Variants in OGDH observed in about 807,000 individuals in gnomAD.
OGDH encodes the protein oxoglutarate dehydrogenase.
OGDH carries 38 observed loss-of-function variants against 116.6 expected under a neutral mutation model. The observed-to-expected ratio is 0.33, with a 90% confidence interval of 0.25 to 0.43. The LOEUF is 0.43. Ranked by LOEUF, OGDH falls within the 20% of genes least tolerant of loss-of-function variation. The pLI, the probability that OGDH is intolerant of heterozygous loss-of-function variation, is 1.00. For missense variants in OGDH, 825 were observed against 1,357.2 expected, an observed-to-expected ratio of 0.61 and a Z score of 6.16; for synonymous variants, 488 against 533.3, an observed-to-expected ratio of 0.92 and a Z score of 1.17.
chr7:44,624,634 T>G (rs1785133715), intron 2 of OGDH, 69 bp downstream of exon 2: 1 of 1,368,642 alleles, frequency 7.3e-7, no homozygotes, highest in African/African-American at 1.4e-5. Context: ...GGTCACCAGG[T>G]AAGTGTGTGC....
chr7:44,651,784 C>T (rs1160210129), intron 4 of OGDH, among the ~76,000 whole-genome samples: 3 of 151,990 alleles, frequency 2.0e-5, no homozygotes, highest in South Asian at 4.1e-4. Flanking sequence ...TGATCTCGTA[C>T]GCCTGACCTC....
intron 2 of OGDH, among the ~76,000 whole-genome samples, chr7:44,639,448 ATC>A (rs1394270810): frequency 6.6e-6 from 1 of 152,166 alleles, no homozygotes; most frequent in Admixed American, 6.5e-5. Context: ...CTGCTGCCAC[ATC>A]TGTTGGGAGG....
intron 2 of OGDH, among the ~76,000 whole-genome samples, chr7:44,636,177 A>G (rs1487953398): frequency 1.3e-5 from 2 of 152,258 alleles, no homozygotes; most frequent in Non-Finnish European, 2.9e-5. Flanking sequence ...GGCCACAGTC[A>G]GTCCTACTGG....
intron 9 of OGDH, among the ~76,000 whole-genome samples, chr7:44,677,155 GA>G (rs554857785): frequency 6.6e-6 from 1 of 151,722 alleles, no homozygotes; most frequent in Non-Finnish European, 1.5e-5. Context: ...CAAATAATCA[GA>G]AAAAAAATCA....
intron 2 of OGDH, among the ~76,000 whole-genome samples, chr7:44,640,057 G>C (rs1785860286): frequency 6.6e-6 from 1 of 152,214 alleles, no homozygotes; most frequent in Admixed American, 6.5e-5. Flanking sequence ...CCAGGGCCTA[G>C]GCTGGAAGGA....
In OGDH at chr7:44,697,431, C is replaced by T; in HGVS notation, c.2113C>T (p.His705Tyr). The T allele has an allele frequency of 6.2e-7, 1 of 1,614,228 alleles. No homozygotes were observed. The highest frequency in any genetic ancestry group is 8.5e-7 in the Non-Finnish European group (1 of 1,180,036). Residue 705 changes from histidine to tyrosine, a missense_variant, in exon 16 of 23, where the codon CAT (histidine) becomes TAT (tyrosine). His to Tyr is a moderately conservative substitution (Grantham distance 83). This residue lies in a region of OGDH where 73 missense variants were observed against 182.3 expected (regional missense o/e 0.40). Transcript: ENST00000222673. This position sits in a 1 kb window ranked among gnomAD's most constrained non-coding sequence, Gnocchi z 6.0. ...CAAGAGAACCTGCATCCCCATGAAC[C>T]ATCTCTGGCCCAATCAGGCCCCCTA... ...VDKRTCIPMNHLWPNQAPYTV... is the reference protein window; with the variant it reads ...VDKRTCIPMNYLWPNQAPYTV...
At chr7:44,616,792 TATGTGTATATATATGC>T (rs1784801250) in intron 1 of OGDH, among the ~76,000 whole-genome samples, 3 of 115,246 alleles carry the variant, frequency 2.6e-5, no homozygotes, top group East Asian at 3.4e-4. Flanking sequence ...TGCATATATA[TATGTGTATATATATGC>T]ATATATACGT....
chr7:44,615,091 A>G (rs1416494542), intron 1 of OGDH, among the ~76,000 whole-genome samples: 1 of 152,130 alleles, frequency 6.6e-6, no homozygotes, highest in African/African-American at 2.4e-5. Context: ...TCAGCCTCCC[A>G]AAGTGCTGGG....
intron 4 of OGDH, among the ~76,000 whole-genome samples, chr7:44,657,462 T>C (rs908064975): frequency 1.3e-5 from 2 of 152,238 alleles, no homozygotes; most frequent in Non-Finnish European, 2.9e-5. Context: ...TAGTATTCCA[T>C]GGTGTGGATG....
chr7:44,704,645 GGTT>G (rs1788982747), intron 20 of OGDH, among the ~76,000 whole-genome samples: 1 of 151,872 alleles, frequency 6.6e-6, no homozygotes, highest in Non-Finnish European at 1.5e-5. Context: ...CCGTTCTATG[GGTT>G]GTTCTTTTAT....
At chr7:44,629,579 TC>T (rs572070788) in intron 2 of OGDH, among the ~76,000 whole-genome samples, 8,839 of 69,194 alleles carry the variant, frequency 0.13, 401 homozygotes, top group Non-Finnish European at 0.2. Flanking sequence ...CTTTTTCTTT[TC>T]TTTTTTTTTT....
intron 9 of OGDH, 138 bp from the exon 10 acceptor site, chr7:44,681,582 A>T (rs1184578412): frequency 8.4e-7 from 1 of 1,187,420 alleles, no homozygotes; most frequent in Non-Finnish European, 1.2e-6. Flanking sequence ...GGCCCTGTGG[A>T]CTTTCCTGCT....
intron 2 of OGDH, among the ~76,000 whole-genome samples, chr7:44,637,202 TGTC>T (rs1286749400): frequency 6.6e-6 from 1 of 152,160 alleles, no homozygotes; most frequent in Non-Finnish European, 1.5e-5. Flanking sequence ...GTGCTCCTGT[TGTC>T]TATTCTCTTT....
intron 7 of OGDH, 77 bp from the exon 8 acceptor site, chr7:44,675,101 G>A: frequency 8.8e-7 from 1 of 1,130,890 alleles, no homozygotes; most frequent in Non-Finnish European, 1.3e-6. Flanking sequence ...GGGGAGGGGG[G>A]GATTGTAACA....
intron 4 of OGDH, among the ~76,000 whole-genome samples, chr7:44,662,975 T>C (rs561115118): frequency 3.4e-4 from 52 of 152,356 alleles, no homozygotes; most frequent in African/African-American, 1.2e-3. Flanking sequence ...TTGGGTTTGG[T>C]CTTTTACCAT....
intron 4 of OGDH, among the ~76,000 whole-genome samples, chr7:44,653,365 T>A (rs1219847499): frequency 6.6e-6 from 1 of 152,130 alleles, no homozygotes; most frequent in Non-Finnish European, 1.5e-5. Context: ...AGTGTTGGGA[T>A]TACAGAGGTG....
intron 10 of OGDH, among the ~76,000 whole-genome samples, chr7:44,688,683 GCCT>G (rs1788239104): frequency 6.6e-6 from 1 of 151,788 alleles, no homozygotes; most frequent in African/African-American, 2.4e-5. Flanking sequence ...GCCAGCCTCG[GCCT>G]CCTAGAGTGC....
At position 44,681,734 on chromosome 7, in the gene OGDH, G is replaced by A. The variant is rs774022978; in HGVS notation, c.1221G>A (p.Leu407=). 16 of 1,614,012 alleles carry A rather than the reference G, an allele frequency of 9.9e-6. No individual in the cohort carries two copies. Among genetic ancestry groups the A allele is most frequent in the Non-Finnish European group, 1.4e-5 (16 of 1,180,016 alleles). The change falls in exon 10 of 23, where the codon CTG becomes CTA. Residue 407 remains leucine (L), a synonymous_variant. Transcript: ENST00000222673. ...DTEGKKVMSI[L]LHGDAAFAGQ... is the part of the protein sequence containing the mutation. ...GGTGTTTACAGGTCATGTCCATCCT[G>A]TTGCATGGGGATGCTGCATTTGCTG...
intron 4 of OGDH, among the ~76,000 whole-genome samples, chr7:44,660,942 GCACA>G (rs370545407): frequency 6.7e-6 from 1 of 148,500 alleles, no homozygotes; most frequent in Non-Finnish European, 1.5e-5. Flanking sequence ...ACGCGCGTGT[GCACA>G]CACACACACA....
Sources: allele counts gnomAD v4.1 joint callset (sites outside exome capture counted in the v4.1 genomes callset), GRCh38; gene constraint gnomAD v4.1.1; regional missense constraint gnomAD v4.1.1; non-coding constraint Gnocchi (gnomAD v3.1); transcripts MANE v1.5; gene names NCBI Gene and HGNC (gene_info 2026-07-23, HGNC 2026-07-21).